Variants in WWOX observed in about 807,000 individuals in gnomAD.
The protein encoded by WWOX is WW domain containing oxidoreductase.
A neutral mutation model predicts 46.2 loss-of-function variants in WWOX; 69 were observed. The observed-to-expected ratio is 1.49, with a 90% confidence interval of 1.23 to 1.82. The LOEUF is 1.82. Ranked by LOEUF, WWOX falls within the 40% of genes most tolerant of loss-of-function variation. WWOX has a pLI of 0.00. For missense variants in WWOX, 919 were observed against 542.6 expected, an observed-to-expected ratio of 1.69 and a Z score of -6.89; for synonymous variants, 359 against 202.6, an observed-to-expected ratio of 1.77 and a Z score of -6.56.
chr16:78,763,761 C>G (rs1050908493), intron 8 of WWOX, among the ~76,000 whole-genome samples: 4 of 152,202 alleles, frequency 2.6e-5, no homozygotes, highest in Non-Finnish European at 5.9e-5. Context: ...TTTCACCCAT[C>G]TCATGTTGAC....
At chr16:79,099,021 C>T (rs759336714) in intron 8 of WWOX, among the ~76,000 whole-genome samples, 1 of 152,024 alleles carries the variant, frequency 6.6e-6, no homozygotes, top group East Asian at 1.9e-4. Context: ...CCTCAGGCTG[C>T]TTTCACTCCT....
intron 8 of WWOX, among the ~76,000 whole-genome samples, chr16:78,636,291 A>G (rs1218716133): frequency 2.6e-5 from 4 of 152,170 alleles, no homozygotes; most frequent in Admixed American, 6.5e-5. Context: ...CAATTGCTCT[A>G]CCAGACACCT....
intron 6 of WWOX, among the ~76,000 whole-genome samples, chr16:78,415,728 G>C (rs1370638460): frequency 6.6e-6 from 1 of 152,162 alleles, no homozygotes; most frequent in Non-Finnish European, 1.5e-5. Context: ...CTTTGCAGTA[G>C]GAAGTGCCAC....
intron 8 of WWOX, among the ~76,000 whole-genome samples, chr16:78,840,568 AG>A (rs2052112175): frequency 6.6e-6 from 1 of 152,088 alleles, no homozygotes; most frequent in Admixed American, 6.6e-5. Flanking sequence ...ATTGTTACAC[AG>A]TTTGTAAGTC....
chr16:78,634,394 G>T (rs1259602163), intron 8 of WWOX, among the ~76,000 whole-genome samples: 4 of 152,124 alleles, frequency 2.6e-5, no homozygotes, highest in Admixed American at 2.0e-4. Context: ...TTGACTGGGA[G>T]AGCAAGTGGA....
chr16:79,069,991 G>C (rs771940226), intron 8 of WWOX, among the ~76,000 whole-genome samples: 2 of 152,142 alleles, frequency 1.3e-5, no homozygotes, highest in Non-Finnish European at 2.9e-5. Context: ...CAAGCATTTA[G>C]AATTATTTTG....
intron 8 of WWOX, among the ~76,000 whole-genome samples, chr16:79,201,247 C>T (rs1266932136): frequency 6.6e-6 from 1 of 152,122 alleles, no homozygotes; most frequent in Non-Finnish European, 1.5e-5. Flanking sequence ...TCAGCTCCCT[C>T]CAGGACTGAA....
chr16:78,597,202 TC>T (rs779041764), intron 8 of WWOX, among the ~76,000 whole-genome samples: 3 of 152,166 alleles, frequency 2.0e-5, no homozygotes, highest in Non-Finnish European at 2.9e-5. Flanking sequence ...AGATCCAAAG[TC>T]CCCAGGAGCT....
intron 8 of WWOX, among the ~76,000 whole-genome samples, chr16:78,655,558 A>C (rs996962878): frequency 3.9e-5 from 6 of 152,166 alleles, no homozygotes; most frequent in African/African-American, 1.4e-4. Flanking sequence ...TGTTTGGTCT[A>C]TTACCATTAA....
At chr16:78,998,732 A>G (rs1448169342) in intron 8 of WWOX, among the ~76,000 whole-genome samples, 2 of 152,236 alleles carry the variant, frequency 1.3e-5, no homozygotes, top group South Asian at 2.1e-4. Context: ...TTTAACTTAT[A>G]CATTGAAAGG....
intron 8 of WWOX, among the ~76,000 whole-genome samples, chr16:78,565,255 C>G (rs10438629): frequency 0.26 from 39,047 of 152,158 alleles, 5,333 homozygotes; most frequent in African/African-American, 0.34. Flanking sequence ...TGGCTTTAAA[C>G]AACACATGCT....
chr16:78,797,129 ACTTT>A lies in WWOX; in HGVS notation c.1056+364382_1056+364385del, dbSNP rs538285318. Among the ~76,000 whole-genome samples, 11 of 151,956 alleles carry A rather than the reference ACTTT, an allele frequency of 7.2e-5. No homozygotes were observed. The South Asian group carries it at 2.1e-3, about 29-fold the overall frequency. On this transcript the variant is annotated intron_variant, in intron 8 of 8. Transcript: ENST00000566780. ...GCGTGAGCCACTGTGCTGGGCCCCA[ACTTT>A]CTTTATCAATAGAAGTGGGGAAATC...
chr16:78,795,701 G>A (rs2050718676), intron 8 of WWOX, among the ~76,000 whole-genome samples: 1 of 152,110 alleles, frequency 6.6e-6, no homozygotes, highest in Admixed American at 6.6e-5. Flanking sequence ...TGGCTCTGGG[G>A]ATTCATTCTA....
At chr16:78,691,783 T>C (rs1296985783) in intron 8 of WWOX, among the ~76,000 whole-genome samples, 1 of 152,116 alleles carries the variant, frequency 6.6e-6, no homozygotes. Context: ...TACTATTAGC[T>C]CCCAGTTTAT....
chr16:78,373,599 A>T (rs921664560), intron 5 of WWOX, among the ~76,000 whole-genome samples: 2 of 151,728 alleles, frequency 1.3e-5, no homozygotes, highest in African/African-American at 4.8e-5. Flanking sequence ...AGCTAGTTCT[A>T]TCTGCAGTGT....
chr16:78,352,730 G>A (rs1165414025), intron 5 of WWOX, among the ~76,000 whole-genome samples: 1 of 152,064 alleles, frequency 6.6e-6, no homozygotes, highest in Non-Finnish European at 1.5e-5. Context: ...AACATATTGG[G>A]GTAGAGGGCA....
chr16:78,815,551 A>G (rs181942260), intron 8 of WWOX, among the ~76,000 whole-genome samples: 11 of 152,160 alleles, frequency 7.2e-5, no homozygotes, highest in African/African-American at 2.4e-4. Flanking sequence ...ATCTCAGACC[A>G]TGATGACCTC....
intron 8 of WWOX, among the ~76,000 whole-genome samples, chr16:79,211,219 G>A (rs1465777328): frequency 6.6e-6 from 1 of 152,146 alleles, no homozygotes; most frequent in Middle Eastern, 3.2e-3. Context: ...AAACGATTTG[G>A]TATCGAATTA....
At chr16:78,314,097 C>G (rs2080305248) in intron 5 of WWOX, among the ~76,000 whole-genome samples, 1 of 152,046 alleles carries the variant, frequency 6.6e-6, no homozygotes, top group Non-Finnish European at 1.5e-5. Context: ...ATAAAAAACA[C>G]AAAGCACTTC....
Sources: gnomAD v4.1 joint callset for allele counts (sites outside exome capture counted in the v4.1 genomes callset) on GRCh38, gnomAD v4.1.1 for gene constraint, MANE v1.5 for transcripts, NCBI Gene and HGNC (gene_info 2026-07-23, HGNC 2026-07-21) for gene names.